SNX31: variants seen among roughly 807,000 people sequenced by gnomAD.
The protein encoded by SNX31 is sorting nexin 31.
A neutral mutation model predicts 65.4 loss-of-function variants in SNX31; 58 were observed. The observed-to-expected ratio is 0.89, with a 90% CI of 0.72 to 1.10. The LOEUF (loss-of-function observed/expected upper bound fraction) is 1.10. SNX31 is among the 50% of genes least tolerant of loss of function. The pLI, the probability that SNX31 is intolerant of heterozygous loss-of-function variation, is 0.00. For missense variants in SNX31, 523 were observed against 529.7 expected (o/e 0.99, Z 0.12); for synonymous variants, 181 against 190.1 (o/e 0.95, Z 0.39).
At chr8:100,640,354 G>A (rs1014224168) in intron 2 of SNX31, among the ~76,000 whole-genome samples, 23 of 152,160 alleles carry the variant, frequency 1.5e-4, no homozygotes, top group African/African-American at 5.6e-4. Flanking sequence ...TCAAACTCCT[G>A]ACCTCAGGTG....
At chr8:100,654,618 C>T (rs533943615), upstream of SNX31, among the ~76,000 whole-genome samples, 1 of 152,374 alleles carries the variant, frequency 6.6e-6, no homozygotes, top group Non-Finnish European at 1.5e-5. Context: ...GACCCCCACC[C>T]CAGGGGACCT....
rs139855373 is a variant in SNX31 at position 100,658,663 on chromosome 8, G to GT, written c.-58+4478dup. On this transcript the variant is annotated intron_variant, in intron 1 of 5. Transcript: ENST00000520352. ...CATCTTGCCCAAAGTTGCACAGCTG[G>GT]TAAGTCCCACAGCCAGGATTTGAAA... 3.2e-3 allele frequency among the ~76,000 whole-genome samples: 480 copies of GT among 152,294 alleles called. 4 individuals are homozygous for GT. Among genetic ancestry groups the GT allele is most frequent in the East Asian group, 0.024 (123 of 5,180 alleles).
At chr8:100,601,434 T>C (rs1815615924) in intron 8 of SNX31, among the ~76,000 whole-genome samples, 1 of 152,076 alleles carries the variant, frequency 6.6e-6, no homozygotes, top group Non-Finnish European at 1.5e-5. Flanking sequence ...TAAAACAACA[T>C]AAAACCCTCA....
At chr8:100,641,940 T>G (rs991820167) in intron 2 of SNX31, among the ~76,000 whole-genome samples, 23 of 151,282 alleles carry the variant, frequency 1.5e-4, no homozygotes, top group African/African-American at 3.9e-4. Flanking sequence ...TTAGCCGGGC[T>G]TGGTGGCAGG....
chr8:100,641,589 T>TATATACAC (rs1554587407), intron 2 of SNX31, among the ~76,000 whole-genome samples: 1 of 22,282 alleles, frequency 4.5e-5, no homozygotes, highest in Non-Finnish European at 6.6e-5. Flanking sequence ...TATATATATA[T>TATATACAC]ATATATACAC....
chr8:100,581,350 T>G (rs911625346), intron 12 of SNX31, among the ~76,000 whole-genome samples: 2 of 147,390 alleles, frequency 1.4e-5, no homozygotes, highest in African/African-American at 2.5e-5. Flanking sequence ...TATATATATA[T>G]ATATATAATT....
intron 1 of SNX31, among the ~76,000 whole-genome samples, chr8:100,659,958 T>C (rs1809755131): frequency 3.9e-5 from 6 of 152,194 alleles, no homozygotes; most frequent in Admixed American, 3.9e-4. Context: ...CTGACACCTC[T>C]ACTGTATCAT....
intron 8 of SNX31, among the ~76,000 whole-genome samples, chr8:100,606,097 G>A (rs370463695): frequency 7.9e-5 from 12 of 151,618 alleles, no homozygotes; most frequent in African/African-American, 2.7e-4. Context: ...GTGTAATGGC[G>A]TGATCACATC....
upstream of SNX31, among the ~76,000 whole-genome samples, chr8:100,651,853 T>A (rs1449116781): frequency 6.6e-6 from 1 of 152,224 alleles, no homozygotes; most frequent in Non-Finnish European, 1.5e-5. Context: ...GCAGAATTTG[T>A]GAATAGTAGA....
Position 100,608,504 on chromosome 8 carries a change from A to C in SNX31, c.671T>G (p.Leu224Arg). 6.2e-7 allele frequency: 1 copy of C among 1,614,064 alleles called. No individual in the cohort carries two copies. The highest frequency in any genetic ancestry group is 8.5e-7 in the Non-Finnish European group (1 of 1,179,976). The change falls in exon 8 of 14, where the codon CTC (leucine) becomes CGC (arginine). Residue 224 changes from leucine (L) to arginine (R), a missense_variant. Transcript: ENST00000311812. Reference sequence around the variant, plus strand: ...CTTGGTGACCCTCACCTGCATGTAGAGCAAATCTACCGCCACCCTGCAGTC... The same window carrying C: ...CTTGGTGACCCTCACCTGCATGTAGCGCAAATCTACCGCCACCCTGCAGTC... ...LMDCRVAVDL[L>R]YMQAIQDIEK...
At chr8:100,582,706 G>A (rs547355152) in intron 12 of SNX31, among the ~76,000 whole-genome samples, 40 of 152,154 alleles carry the variant, frequency 2.6e-4, no homozygotes, top group East Asian at 3.9e-4. Flanking sequence ...GGCCGGGTGC[G>A]GTGGCTCATG....
At chr8:100,638,850 T>C (rs1302635191) in intron 2 of SNX31, among the ~76,000 whole-genome samples, 1 of 152,174 alleles carries the variant, frequency 6.6e-6, no homozygotes, top group African/African-American at 2.4e-5. Flanking sequence ...ATCCATACAA[T>C]GGAATGTGTT....
Position 100,612,167 on chromosome 8 carries a change from A to G in SNX31, c.524-80T>C, listed in dbSNP as rs544818009. ...TATAGCAGCTTTCAAATGAGAAAAT[A>G]AAACCTTATTATTGGAAATAATAAA... is the stretch of plus-strand genomic sequence containing the variant. On this transcript the variant is annotated intron_variant, in intron 6 of 13. Coordinates refer to ENST00000311812, the MANE Select transcript of SNX31 (RefSeq NM_152628.4). The surrounding 1 kb of genome is among the most constrained non-coding windows in gnomAD (Gnocchi z 4.3). The G allele has an allele frequency of 1.4e-4, 114 of 831,518 alleles. No homozygotes were observed. In the East Asian group the frequency reaches 2.8e-3, roughly 20 times the overall value. 51.5% of individuals were successfully genotyped at this position (831,518 alleles called of 1,614,324 possible).
chr8:100,634,756 T>TAA (rs548613299), intron 3 of SNX31, among the ~76,000 whole-genome samples: 1 of 141,596 alleles, frequency 7.1e-6, no homozygotes, highest in African/African-American at 2.7e-5. Context: ...CTCTCTGTCT[T>TAA]AAAAAAAAAA....
At chr8:100,607,907 A>G (rs76736442) in intron 8 of SNX31, among the ~76,000 whole-genome samples, 2,714 of 152,358 alleles carry the variant, frequency 0.018, 46 homozygotes, top group Non-Finnish European at 0.028. Context: ...CCAGAGCCCA[A>G]CGCAACTGTG....
chr8:100,600,373 G>C lies in SNX31; in HGVS notation c.750C>G (p.Phe250Leu). 1 of 1,613,570 alleles carries C rather than the reference G, an allele frequency of 6.2e-7. No individual in the cohort carries two copies. The highest frequency in any genetic ancestry group is 1.1e-5 in the South Asian group (1 of 91,042). The change falls in exon 9 of 14, where the codon TTC (phenylalanine) becomes TTG (leucine). Residue 250 changes from phenylalanine (F) to leucine (L), a missense_variant. Transcript: ENST00000311812. ...TQAQRQKLEA[F>L]QKEDSQTKFL... ...CCTTTGTTTGACTGTCTTCTTTCTG[G>C]AAAGCTTCTAATTTCTGCCTCTGTG... is the stretch of plus-strand genomic sequence containing the variant.
chr8:100,658,322 T>G (rs1693589), intron 1 of SNX31, among the ~76,000 whole-genome samples: 35,035 of 152,108 alleles, frequency 0.23, 4,125 homozygotes, highest in Admixed American at 0.3. Context: ...CCAAGCAGCT[T>G]GCAGGGGCAA....
chr8:100,578,693 T>C lies in SNX31; in HGVS notation c.1171-1618A>G, dbSNP rs1011004402. ...AGCCTATTTCAATGATTTTTTATTT[T>C]ATTTTATTTTATTTTATTTTATTTT... On this transcript the variant is annotated intron_variant, in intron 12 of 13. Transcript: ENST00000311812. The surrounding 1 kb of genome is among the most constrained non-coding windows in gnomAD (Gnocchi z 4.7). Among the ~76,000 whole-genome samples, 113 of 145,862 alleles carry C rather than the reference T, an allele frequency of 7.7e-4. No homozygotes were observed. The highest frequency in any genetic ancestry group is 2.9e-3 in the African/African-American group (110 of 37,524).
intron 5 of SNX31, 110 bp downstream of exon 5, chr8:100,617,509 GT>G (rs915411977): frequency 3.3e-5 from 24 of 718,218 alleles, no homozygotes. Flanking sequence ...CATCCACAGA[GT>G]AAAACAACAG....
Sources: gnomAD v4.1 joint callset for allele counts (sites outside exome capture counted in the v4.1 genomes callset) on GRCh38, gnomAD v4.1.1 for gene constraint, Gnocchi (gnomAD v3.1) non-coding constraint, MANE v1.5 for transcripts, NCBI Gene and HGNC (gene_info 2026-07-23, HGNC 2026-07-21) for gene names.